ANKRD17: variants seen among roughly 807,000 people sequenced by gnomAD.
ANKRD17 encodes the protein ankyrin repeat domain 17.
In ANKRD17, 19 loss-of-function variants were observed where a neutral mutation model predicts 229.7. The observed-to-expected ratio is 0.08, with a 90% confidence interval of 0.06 to 0.12. The LOEUF is 0.12. ANKRD17 is among the 10% of genes least tolerant of loss of function. ANKRD17 has a pLI of 1.00. For synonymous variants in ANKRD17, 1,112 were observed against 1,146.1 expected (o/e 0.97, Z 0.60); for missense variants, 2,176 against 3,176.8 (o/e 0.68, Z 7.57).
chr4:73,190,683 G>A (rs1033279457), intron 1 of ANKRD17, among the ~76,000 whole-genome samples: 10 of 151,732 alleles, frequency 6.6e-5, no homozygotes, highest in African/African-American at 2.4e-4. Context: ...TTCAAGAGAA[G>A]CAACTGAAAA....
At chr4:73,188,742 A>G (rs996213054) in intron 1 of ANKRD17, among the ~76,000 whole-genome samples, 1 of 152,186 alleles carries the variant, frequency 6.6e-6, no homozygotes, top group African/African-American at 2.4e-5. Context: ...GAGAAAATTG[A>G]GAAGAGGTAA....
At chr4:73,257,323 T>A (rs957265776) in intron 1 of ANKRD17, among the ~76,000 whole-genome samples, 1 of 152,122 alleles carries the variant, frequency 6.6e-6, no homozygotes, top group East Asian at 1.9e-4. Context: ...AGGGCTTCTG[T>A]GAGGAATAAG....
intron 5 of ANKRD17, among the ~76,000 whole-genome samples, chr4:73,154,813 G>A (rs962619992): frequency 7.2e-5 from 11 of 152,080 alleles, no homozygotes; most frequent in South Asian, 2.1e-4. Context: ...AGGCCGAGGC[G>A]GGCGGATCAC....
chr4:73,211,737 C>T (rs552768716), intron 1 of ANKRD17, among the ~76,000 whole-genome samples: 6 of 151,040 alleles, frequency 4.0e-5, no homozygotes, highest in East Asian at 2.0e-4. Flanking sequence ...ATCCCAGCTA[C>T]GTGGGAGGCT....
intron 1 of ANKRD17, among the ~76,000 whole-genome samples, chr4:73,183,462 TG>T (rs1239654491): frequency 1.3e-5 from 2 of 152,132 alleles, no homozygotes; most frequent in East Asian, 1.9e-4. Flanking sequence ...TGTTTTGTTT[TG>T]TTTTTTTTGA....
At chr4:73,106,016 G>A (rs1453393877) in intron 24 of ANKRD17, among the ~76,000 whole-genome samples, 2 of 152,146 alleles carry the variant, frequency 1.3e-5, no homozygotes, top group East Asian at 3.9e-4. Context: ...TAAAAATTCA[G>A]TCTCACTTTC....
rs757005707 is a variant in ANKRD17 at position 73,125,283 on chromosome 4, T to G, written c.3264A>C (p.Thr1088=). Residue 1088 remains threonine, a synonymous_variant, in exon 17 of 34, where the codon ACA becomes ACC. Transcript: ENST00000358602. ...QTESNHDTAL[T]LACAGGHEEL... ...CCTCGTGGCCACCAGCACAGGCAAG[T>G]GTTAGTGCCGTGTCATGATTACTCT... 6.2e-7 allele frequency: 1 copy of G among 1,613,774 alleles called. No individual in the cohort carries two copies. The highest frequency in any genetic ancestry group is 1.1e-5 in the South Asian group (1 of 91,062).
chr4:73,078,836 G>A lies in ANKRD17; in HGVS notation c.7214C>T (p.Ser2405Leu), dbSNP rs1176830881. 6.2e-7 allele frequency: 1 copy of A among 1,614,178 alleles called. No homozygotes were observed. ...CTTTTCTGACCCTAACGGTACTGAT[G>A]ATGGGGCAGGAGATGGTGCACGAAC... Reference protein sequence around the residue: ...SGVRAPSPAPSSVPLGSEKPS... With the variant: ...SGVRAPSPAPLSVPLGSEKPS... Residue 2405 changes from serine to leucine, a missense_variant, in exon 31 of 34, where the codon TCA (serine) becomes TTA (leucine). By Grantham distance (145) the Ser-to-Leu change is moderately radical. Coordinates refer to ENST00000358602, the MANE Select transcript of ANKRD17 (RefSeq NM_032217.5).
At chr4:73,177,671 A>G in intron 1 of ANKRD17, 138 bp from the exon 2 acceptor site, 1 of 614,180 alleles carries the variant, frequency 1.6e-6, no homozygotes, top group Non-Finnish European at 2.7e-6. Context: ...GTGCAACCCT[A>G]AAAAGTTCAA....
chr4:73,113,342 C>T, intron 24 of ANKRD17: 1 of 1,289,380 alleles, frequency 7.8e-7, no homozygotes, highest in South Asian at 1.2e-5. Context: ...AGAAGTCACC[C>T]ATTTAAAAAG....
chr4:73,203,528 C>A lies in ANKRD17; in HGVS notation c.394-25995G>T, dbSNP rs111834794. On this transcript the variant is annotated intron_variant, in intron 1 of 33. Coordinates refer to ENST00000358602, the MANE Select transcript of ANKRD17 (RefSeq NM_032217.5). ...ATCCCAGCACTTTGGGAGGCCCAGG[C>A]GGGCGGATCACGAGGTCAGGAGATC... Among the ~76,000 whole-genome samples, 286 of 152,052 alleles carry A rather than the reference C, an allele frequency of 1.9e-3. 1 individual carries two copies. Among genetic ancestry groups the A allele is most frequent in the African/African-American group, 6.6e-3 (274 of 41,498 alleles).
intron 29 of ANKRD17, among the ~76,000 whole-genome samples, chr4:73,086,346 C>T (rs1039304661): frequency 6.6e-6 from 1 of 151,876 alleles, no homozygotes; most frequent in South Asian, 2.1e-4. Flanking sequence ...GAAGAATAAA[C>T]GTTTACCTTT....
intron 1 of ANKRD17, among the ~76,000 whole-genome samples, chr4:73,219,970 T>C (rs2149202997): frequency 6.6e-6 from 1 of 152,218 alleles, no homozygotes; most frequent in East Asian, 1.9e-4. Context: ...TAACACTAAA[T>C]ATACAGTAAC....
At chr4:73,186,652 C>T (rs1736335962) in intron 1 of ANKRD17, among the ~76,000 whole-genome samples, 1 of 152,112 alleles carries the variant, frequency 6.6e-6, no homozygotes, top group Non-Finnish European at 1.5e-5. Context: ...TTGCCTGCAA[C>T]AATTGAGTAT....
In ANKRD17 at chr4:73,091,519, G is replaced by A. The variant is rs1164433833; in HGVS notation, c.6109C>T (p.His2037Tyr). ...ATYPMPTAKE[H>Y]YPVSSPSSPS... The stretch of plus-strand genomic sequence containing the variant: ...GAAGATGGGGATGATACTGGATAGT[G>A]TTCTTTGGCAGTAGGCATAGGATAT... Residue 2037 changes from histidine to tyrosine, a missense_variant, in exon 29 of 34, where the codon CAC (histidine) becomes TAC (tyrosine). Physicochemically the swap from His to Tyr is moderately conservative, Grantham distance 83 (BLOSUM62 2). This residue lies in a region of ANKRD17 where 424 missense variants were observed against 454.0 expected (regional missense o/e 0.93). Coordinates refer to ENST00000358602, the MANE Select transcript of ANKRD17 (RefSeq NM_032217.5). 2 of 1,614,194 alleles carry A rather than the reference G, an allele frequency of 1.2e-6. No individual in the cohort carries two copies. Among genetic ancestry groups the A allele is most frequent in the South Asian group, 1.1e-5 (1 of 91,082 alleles).
intron 3 of ANKRD17, among the ~76,000 whole-genome samples, chr4:73,157,296 C>CT (rs1234987152): frequency 1.3e-5 from 2 of 152,012 alleles, no homozygotes; most frequent in East Asian, 1.9e-4. Context: ...ACTGATGAGC[C>CT]TTTTTTGGTT....
intron 25 of ANKRD17, 199 bp from the exon 26 acceptor site, chr4:73,098,719 G>A: frequency 1.1e-5 from 10 of 898,242 alleles, no homozygotes; most frequent in Non-Finnish European, 1.4e-5. Context: ...AAGAATAGCA[G>A]GTAGTTATAA....
intron 1 of ANKRD17, among the ~76,000 whole-genome samples, chr4:73,193,305 T>C (rs1377399053): frequency 6.6e-6 from 1 of 152,236 alleles, no homozygotes. Flanking sequence ...TGTTTGGTTA[T>C]TCACCAGCTA....
intron 1 of ANKRD17, among the ~76,000 whole-genome samples, chr4:73,222,721 C>T (rs886682692): frequency 2.6e-5 from 4 of 152,160 alleles, no homozygotes; most frequent in Non-Finnish European, 4.4e-5. Context: ...TGAGTCTCCC[C>T]TTTTTCCCTA....
Sources: allele counts gnomAD v4.1 joint callset (sites outside exome capture counted in the v4.1 genomes callset), GRCh38; gene constraint gnomAD v4.1.1; regional missense constraint gnomAD v4.1.1; transcripts MANE v1.5; gene names NCBI Gene and HGNC (gene_info 2026-07-23, HGNC 2026-07-21).